PIAS1: variants seen among roughly 807,000 people sequenced by gnomAD.
The protein encoded by PIAS1 is E3 SUMO-protein ligase PIAS1.
A neutral mutation model predicts 71.3 loss-of-function variants in PIAS1; 6 were observed. The ratio of observed to expected loss-of-function variants is 0.08; its 90% CI spans 0.05 to 0.17. The LOEUF (loss-of-function observed/expected upper bound fraction) is 0.17. Ranked by LOEUF, PIAS1 falls within the 10% of genes least tolerant of loss-of-function variation. The probability of loss-of-function intolerance (pLI) is 1.00; values close to 1 mark genes in which losing one functional copy is unlikely to be tolerated. For synonymous variants in PIAS1, 303 were observed against 292.9 expected, an observed-to-expected ratio of 1.03 and a Z score of -0.35; for missense variants, 555 against 793.6, an observed-to-expected ratio of 0.70 and a Z score of 3.61.
chr15:68,084,336 T>G (rs2092259039), intron 1 of PIAS1, among the ~76,000 whole-genome samples: 1 of 152,202 alleles, frequency 6.6e-6, no homozygotes, highest in South Asian at 2.1e-4. Context: ...GTTATTTATT[T>G]AAAAGCAGTT....
At chr15:68,175,858 G>T (rs2093017409) in intron 10 of PIAS1, 91 bp downstream of exon 10, 1 of 869,226 alleles carries the variant, frequency 1.2e-6, no homozygotes, top group African/African-American at 1.7e-5. Context: ...AAAAATCACT[G>T]AGCAGTTTGT....
At chr15:68,139,461 T>C (rs1372335280) in intron 2 of PIAS1, among the ~76,000 whole-genome samples, 1 of 152,242 alleles carries the variant, frequency 6.6e-6, no homozygotes, top group African/African-American at 2.4e-5. Flanking sequence ...ACTATATATG[T>C]AGCTTATACA....
intron 2 of PIAS1, among the ~76,000 whole-genome samples, chr15:68,124,469 C>G (rs1320057934): frequency 2.0e-5 from 3 of 149,478 alleles, no homozygotes; most frequent in Non-Finnish European, 4.4e-5. Context: ...CTCCTGTAAT[C>G]CCAGCACTTT....
Position 68,102,431 on chromosome 15 carries a change from C to A in PIAS1, c.469+15681C>A, listed in dbSNP as rs549282278. Among the ~76,000 whole-genome samples, 3 of 152,242 alleles carry A rather than the reference C, an allele frequency of 2.0e-5. No individual in the cohort carries two copies. In the South Asian group the frequency reaches 6.2e-4, roughly 32 times the overall value. ...ACTTTGTTTAAATATTCTTCTAGTT[C>A]TTTTGCCTTTCCACACAAATTTTAG... On this transcript the variant is annotated intron_variant, in intron 2 of 13. Coordinates refer to ENST00000249636, the MANE Select transcript of PIAS1 (RefSeq NM_016166.3).
At chr15:68,160,561 C>T (rs868689253) in intron 7 of PIAS1, among the ~76,000 whole-genome samples, 2 of 152,048 alleles carry the variant, frequency 1.3e-5, no homozygotes, top group Non-Finnish European at 2.9e-5. Context: ...TTTTCTTTTT[C>T]AGAATTGTTT....
chr15:68,106,765 G>A (rs559498548), intron 2 of PIAS1, among the ~76,000 whole-genome samples: 2 of 152,188 alleles, frequency 1.3e-5, no homozygotes, highest in African/African-American at 2.4e-5. Context: ...GGGGGATTAG[G>A]CTCTAACGTC....
intron 2 of PIAS1, among the ~76,000 whole-genome samples, chr15:68,104,883 C>A (rs2141002868): frequency 6.6e-6 from 1 of 152,068 alleles, no homozygotes; most frequent in South Asian, 2.1e-4. Flanking sequence ...ATAGTGACAG[C>A]CAAAATCTTA....
At chr15:68,095,108 T>C (rs1385120455) in intron 2 of PIAS1, among the ~76,000 whole-genome samples, 1 of 152,198 alleles carries the variant, frequency 6.6e-6, no homozygotes, top group Non-Finnish European at 1.5e-5. Flanking sequence ...TATACAATTA[T>C]AATTATGAAA....
intron 2 of PIAS1, among the ~76,000 whole-genome samples, chr15:68,093,702 G>A (rs2092351722): frequency 6.6e-6 from 1 of 152,144 alleles, no homozygotes; most frequent in African/African-American, 2.4e-5. Flanking sequence ...GGAAGGATTG[G>A]GAAAAGTAGA....
intron 7 of PIAS1, among the ~76,000 whole-genome samples, chr15:68,162,378 T>C (rs2092930057): frequency 6.6e-6 from 1 of 152,118 alleles, no homozygotes; most frequent in Admixed American, 6.5e-5. Flanking sequence ...GCTATGTCTA[T>C]AAAGGGTGCT....
chr15:68,106,974 A>G (rs1249374396), intron 2 of PIAS1, among the ~76,000 whole-genome samples: 1 of 152,204 alleles, frequency 6.6e-6, no homozygotes, highest in African/African-American at 2.4e-5. Context: ...AAAGACTAGC[A>G]TATTCAGCAT....
At chr15:68,183,901 A>T (rs976033212) in intron 13 of PIAS1, 11 of 368,930 alleles carry the variant, frequency 3.0e-5, no homozygotes, top group Non-Finnish European at 4.9e-5. Flanking sequence ...ATGTAAAAGT[A>T]TCACACGTAT....
chr15:68,064,358 G>A (rs761494872), intron 1 of PIAS1, among the ~76,000 whole-genome samples: 1 of 152,206 alleles, frequency 6.6e-6, no homozygotes, highest in African/African-American at 2.4e-5. Flanking sequence ...GATAAGATCA[G>A]TGTGATATTA....
chr15:68,103,062 G>A (rs901036729), intron 2 of PIAS1, among the ~76,000 whole-genome samples: 5 of 151,904 alleles, frequency 3.3e-5, no homozygotes, highest in Non-Finnish European at 7.4e-5. Flanking sequence ...TGAGTAGCTG[G>A]GACTATAGGT....
Position 68,141,941 on chromosome 15 carries a change from T to C in PIAS1, c.470-5T>C, listed in dbSNP as rs1348717810. On this transcript the variant is annotated splice_region_variant and splice_polypyrimidine_tract_variant and intron_variant, in intron 2 of 13. Coordinates refer to ENST00000249636, the MANE Select transcript of PIAS1 (RefSeq NM_016166.3). Reference sequence around the variant, plus strand: ...AATTGAAAGTATAATTCTTGTCTTCTTTAGCATCAGACAACAGTCAGCGCT... The same window carrying C: ...AATTGAAAGTATAATTCTTGTCTTCCTTAGCATCAGACAACAGTCAGCGCT... The C allele has an allele frequency of 6.3e-7, 1 of 1,588,362 alleles. No individual in the cohort carries two copies. Among genetic ancestry groups the C allele is most frequent in the Non-Finnish European group, 8.6e-7 (1 of 1,163,360 alleles).
chr15:68,151,171 C>T (rs1333516046), intron 6 of PIAS1, among the ~76,000 whole-genome samples: 1 of 151,814 alleles, frequency 6.6e-6, no homozygotes, highest in African/African-American at 2.4e-5. Context: ...CACTATTAAG[C>T]TTTGGTGGGG....
intron 1 of PIAS1, among the ~76,000 whole-genome samples, chr15:68,079,350 G>GAGC (rs1405033877): frequency 6.6e-6 from 1 of 152,126 alleles, no homozygotes; most frequent in African/African-American, 2.4e-5. Context: ...TCTGTGTGCA[G>GAGC]AGCAGCCTTT....
intron 2 of PIAS1, among the ~76,000 whole-genome samples, chr15:68,117,160 T>G (rs1370278140): frequency 6.6e-6 from 1 of 152,208 alleles, no homozygotes; most frequent in Non-Finnish European, 1.5e-5. Context: ...TGATACTGTT[T>G]CACTGCAGCC....
rs533213784 is a variant in PIAS1, at chr15:68,170,800, C to T, written c.1009-2932C>T. 7.2e-5 allele frequency among the ~76,000 whole-genome samples: 11 copies of T among 152,164 alleles called. No individual in the cohort carries two copies. The South Asian group carries it at 2.3e-3, about 32-fold the overall frequency. On this transcript the variant is annotated intron_variant, in intron 8 of 13. Coordinates refer to ENST00000249636, the MANE Select transcript of PIAS1 (RefSeq NM_016166.3). ...GGATCCCAGACGTGTGCCACCATGC[C>T]TGGCTAATTTTTGTATTTTTAGTAG...
Sources: allele counts gnomAD v4.1 joint callset (sites outside exome capture counted in the v4.1 genomes callset), GRCh38; gene constraint gnomAD v4.1.1; transcripts MANE v1.5; gene names NCBI Gene and HGNC (gene_info 2026-07-23, HGNC 2026-07-21).